The following TTI1 variants were observed in gnomAD, a reference collection of about 807,000 sequenced individuals.
TTI1 encodes the protein TELO2-interacting protein 1 homolog.
Under a neutral mutation model 85.4 loss-of-function variants are expected in TTI1, and 52 were observed. That is an observed-to-expected ratio of 0.61 (90% CI 0.49 to 0.77). The LOEUF is 0.77. Ranked by LOEUF, TTI1 falls within the 30% of genes least tolerant of loss-of-function variation. The probability of loss-of-function intolerance (pLI) is 0.00; values close to 1 mark genes in which losing one functional copy is unlikely to be tolerated. For missense variants in TTI1, 1,173 were observed against 1,296.0 expected (o/e 0.91, Z 1.46); for synonymous variants, 512 against 503.9 (o/e 1.02, Z -0.22).
At chr20:38,014,764 C>T (rs1196682504) in intron 1 of TTI1, among the ~76,000 whole-genome samples, 1 of 152,110 alleles carries the variant, frequency 6.6e-6, no homozygotes, top group Non-Finnish European at 1.5e-5. Context: ...ATCCAAGAGT[C>T]TGTCTTTTTT....
intron 2 of TTI1, 36 bp downstream of exon 2, chr20:38,011,479 C>T (rs1330461378): frequency 1.2e-6 from 2 of 1,600,752 alleles, no homozygotes; most frequent in Admixed American, 1.7e-5. Flanking sequence ...AGTCCTGTCC[C>T]CCACACATCA....
chr20:38,023,518 G>A (rs2073797206), intron 1 of TTI1, among the ~76,000 whole-genome samples: 1 of 152,188 alleles, frequency 6.6e-6, no homozygotes, highest in Non-Finnish European at 1.5e-5. Flanking sequence ...GTCGTATGAT[G>A]AAATAGGTTC....
intron 1 of TTI1, among the ~76,000 whole-genome samples, chr20:38,030,528 A>AACACAC (rs3038751): frequency 0.023 from 3,361 of 144,884 alleles, 135 homozygotes; most frequent in African/African-American, 0.077. Context: ...CAGTATGTAA[A>AACACAC]ACACACACAC....
At chr20:37,995,718 GCTT>G (rs1412610996) in intron 7 of TTI1, among the ~76,000 whole-genome samples, 4 of 152,256 alleles carry the variant, frequency 2.6e-5, no homozygotes, top group Non-Finnish European at 5.9e-5. Context: ...ACCAGCAACA[GCTT>G]CTTCTCCTAG....
Position 37,990,868 on chromosome 20 carries a change from T to C in TTI1, c.3086+5507A>G, listed in dbSNP as rs969041400. 5.3e-5 allele frequency among the ~76,000 whole-genome samples: 8 copies of C among 152,238 alleles called. No homozygotes were observed. The East Asian group carries it at 1.2e-3, about 22-fold the overall frequency. ...TTGGCTTTCCTACCGGGTGGTAAGA[T>C]GGTTGACCCTGGCAGGTTATCAGTG... On this transcript the variant is annotated intron_variant, in intron 7 of 7. Coordinates refer to ENST00000373447, the MANE Select transcript of TTI1 (RefSeq NM_001303457.2).
intron 5 of TTI1, 64 bp downstream of exon 5, chr20:37,999,124 C>A: frequency 7.6e-6 from 10 of 1,315,586 alleles, no homozygotes; most frequent in African/African-American, 1.5e-5. Flanking sequence ...CAAAAGGCCC[C>A]GGTGAGCTCT....
chr20:37,990,353 T>A (rs1019633691), intron 7 of TTI1, among the ~76,000 whole-genome samples: 1 of 152,230 alleles, frequency 6.6e-6, no homozygotes, highest in African/African-American at 2.4e-5. Flanking sequence ...CTTTACTGAA[T>A]CCTTGTCGTC....
At chr20:37,998,574 G>C (rs1175420390) in intron 5 of TTI1, among the ~76,000 whole-genome samples, 1 of 152,148 alleles carries the variant, frequency 6.6e-6, no homozygotes, top group East Asian at 1.9e-4. Flanking sequence ...GCCAAACTAA[G>C]CCAGGGAGAA....
intron 7 of TTI1, among the ~76,000 whole-genome samples, chr20:37,990,668 C>T (rs1173117175): frequency 6.6e-6 from 1 of 152,136 alleles, no homozygotes; most frequent in Non-Finnish European, 1.5e-5. Context: ...CTGAGGTGTT[C>T]GAGAGGGATG....
chr20:37,996,624 CA>C, intron 6 of TTI1, 124 bp downstream of exon 6: 1 of 1,396,008 alleles, frequency 7.2e-7, no homozygotes, highest in Non-Finnish European at 9.9e-7. Context: ...CAAATGAGGC[CA>C]AAATAAGACG....
chr20:38,007,592 AAAC>A (rs754656029), intron 2 of TTI1, among the ~76,000 whole-genome samples: 54 of 152,344 alleles, frequency 3.5e-4, no homozygotes, highest in Admixed American at 9.8e-4. Flanking sequence ...TTAAAGAATA[AAAC>A]AACAACAACA....
At chr20:38,032,161 C>A (rs1039351925) in intron 1 of TTI1, among the ~76,000 whole-genome samples, 1 of 152,212 alleles carries the variant, frequency 6.6e-6, no homozygotes, top group Admixed American at 6.5e-5. Flanking sequence ...GGTCACTTAA[C>A]CTCTCTGAGC....
At chr20:38,025,855 C>T (rs936854333) in intron 1 of TTI1, among the ~76,000 whole-genome samples, 1 of 152,112 alleles carries the variant, frequency 6.6e-6, no homozygotes, top group Non-Finnish European at 1.5e-5. Context: ...AGAAAAAAAT[C>T]TGTGAGCTGG....
intron 7 of TTI1, among the ~76,000 whole-genome samples, chr20:37,988,163 T>C (rs2073216946): frequency 6.6e-6 from 1 of 152,190 alleles, no homozygotes; most frequent in African/African-American, 2.4e-5. Context: ...CATGGCACAC[T>C]GTTGCAAGGG....
In TTI1 at chr20:37,999,341, C is replaced by A; in HGVS notation, c.2653-13G>T. ...GCACATCCAAGACCTGAAAGAGACACGATTTCAGCAGATGGTATAGGCTTG... is the reference window on the plus strand; with the variant it reads ...GCACATCCAAGACCTGAAAGAGACAAGATTTCAGCAGATGGTATAGGCTTG... On this transcript the variant is annotated splice_polypyrimidine_tract_variant and intron_variant, in intron 4 of 7. Transcript: ENST00000373447. The A allele has an allele frequency of 7.2e-7, 1 of 1,388,398 alleles. No homozygotes were observed. Among genetic ancestry groups the A allele is most frequent in the Non-Finnish European group, 9.4e-7 (1 of 1,060,870 alleles). The allele number at this position is 1,388,398 out of a possible 1,614,324, so 86.0% of individuals were successfully genotyped here.
rs755612637 is a variant in TTI1, at chr20:38,013,649, C to T, written c.168G>A (p.Leu56=). ...QELQQYILFP[L]RFTLKTPGPK... ...GACCTGGGGTCTTCAGGGTAAATCG[C>T]AGAGGGAAGAGGATGTACTGCTGAA... Residue 56 remains leucine, a synonymous_variant, in exon 2 of 8, where the codon CTG becomes CTA. Coordinates refer to ENST00000373447, the MANE Select transcript of TTI1 (RefSeq NM_001303457.2). The T allele has an allele frequency of 3.7e-6, 6 of 1,614,188 alleles. No homozygotes were observed. In the South Asian group the frequency reaches 5.5e-5, roughly 15 times the overall value.
intron 2 of TTI1, among the ~76,000 whole-genome samples, chr20:38,009,499 A>G (rs1047045873): frequency 2.8e-4 from 42 of 151,446 alleles, no homozygotes; most frequent in Admixed American, 2.5e-3. Flanking sequence ...TTCCCACCTG[A>G]ATTTTTATTT....
intron 1 of TTI1, among the ~76,000 whole-genome samples, chr20:38,014,823 G>A (rs565962187): frequency 6.6e-6 from 1 of 152,140 alleles, no homozygotes; most frequent in African/African-American, 2.4e-5. Flanking sequence ...ACAAGGAGAA[G>A]GATAAACAGA....
chr20:38,017,456 T>C (rs1346800973), intron 1 of TTI1, among the ~76,000 whole-genome samples: 1 of 151,202 alleles, frequency 6.6e-6, no homozygotes, highest in African/African-American at 2.4e-5. Flanking sequence ...CTTTGGTGTG[T>C]GCGCACGAGC....
Sources: gnomAD v4.1 joint callset for allele counts (sites outside exome capture counted in the v4.1 genomes callset) on GRCh38, gnomAD v4.1.1 for gene constraint, MANE v1.5 for transcripts, NCBI Gene and HGNC (gene_info 2026-07-23, HGNC 2026-07-21) for gene names.